The following NUP54 variants were observed in gnomAD, a reference collection of about 807,000 sequenced individuals.
The protein encoded by NUP54 is nucleoporin p54.
NUP54 carries 27 observed loss-of-function variants against 66.4 expected under a neutral mutation model. The observed-to-expected ratio is 0.41, with a 90% CI of 0.30 to 0.56. The LOEUF (loss-of-function observed/expected upper bound fraction) is 0.56, where lower values mean the gene tolerates loss of function less well. Ranked by LOEUF, NUP54 falls within the 20% of genes least tolerant of loss-of-function variation. NUP54 has a pLI of 0.34. For missense variants in NUP54, 486 were observed against 596.3 expected, an observed-to-expected ratio of 0.82 and a Z score of 1.93; for synonymous variants, 206 against 210.7, an observed-to-expected ratio of 0.98 and a Z score of 0.19.
At chr4:76,122,667 C>T (rs1454064107) in intron 9 of NUP54, among the ~76,000 whole-genome samples, 1 of 152,102 alleles carries the variant, frequency 6.6e-6, no homozygotes, top group African/African-American at 2.4e-5. Flanking sequence ...AAAAGTTAAA[C>T]ATAGTGTGCA....
At chr4:76,138,497 T>C (rs1220954782) in intron 3 of NUP54, among the ~76,000 whole-genome samples, 1 of 152,194 alleles carries the variant, frequency 6.6e-6, no homozygotes, top group Non-Finnish European at 1.5e-5. Context: ...ATTTACTGAG[T>C]ACCTACTAAG....
At chr4:76,140,203 A>T (rs1044868126) in intron 3 of NUP54, among the ~76,000 whole-genome samples, 1 of 152,064 alleles carries the variant, frequency 6.6e-6, no homozygotes, top group African/African-American at 2.4e-5. Context: ...AAAAGAGGAA[A>T]AGGTGGATAG....
chr4:76,115,611 G>A (rs1729918895), intron 11 of NUP54, 117 bp from the exon 12 acceptor site: 5 of 637,040 alleles, frequency 7.8e-6, no homozygotes, highest in Non-Finnish European at 1.2e-5. Flanking sequence ...CCTAGTAAGT[G>A]CTCTAAATAT....
Position 76,134,215 on chromosome 4 carries a change from T to C in NUP54, c.670A>G (p.Thr224Ala), listed in dbSNP as rs1318304948. ...HKVLGGNQTL[T>A]VNVEGTKTLP... The stretch of plus-strand genomic sequence containing the variant: ...GTTTTAGTGCCCTCTACATTTACAG[T>C]AAGGGTCTGGTTTCCTCCCAAAACT... The change falls in exon 5 of 12, where the codon ACT becomes GCT. Residue 224 changes from threonine to alanine, a missense_variant. Thr to Ala is a moderately conservative substitution (Grantham distance 58). Transcript: ENST00000264883. The C allele has an allele frequency of 6.2e-7, 1 of 1,613,642 alleles. No homozygotes were observed. The highest frequency in any genetic ancestry group is 2.2e-5 in the East Asian group (1 of 44,814).
chr4:76,126,088 T>C (rs1190524046), intron 8 of NUP54, among the ~76,000 whole-genome samples: 3 of 152,068 alleles, frequency 2.0e-5, no homozygotes, highest in Non-Finnish European at 4.4e-5. Flanking sequence ...CATTTCAACA[T>C]TAACTGTTAC....
intron 8 of NUP54, among the ~76,000 whole-genome samples, chr4:76,128,787 T>C (rs571511331): frequency 8.1e-4 from 124 of 152,324 alleles, no homozygotes; most frequent in African/African-American, 2.7e-3. Flanking sequence ...TGCAGCAACA[T>C]AGATGAACTT....
chr4:76,121,383 C>G (rs1011733047), intron 9 of NUP54, among the ~76,000 whole-genome samples: 1 of 152,164 alleles, frequency 6.6e-6, no homozygotes, highest in Non-Finnish European at 1.5e-5. Context: ...GTCCCCTTCA[C>G]TATTTCTTTT....
chr4:76,116,968 T>C (rs1486570679), intron 11 of NUP54, among the ~76,000 whole-genome samples: 3 of 152,208 alleles, frequency 2.0e-5, no homozygotes, highest in Non-Finnish European at 4.4e-5. Context: ...TTTTTAAGTA[T>C]ACAGTTCAGT....
rs756412676 is a variant in NUP54, at chr4:76,130,759, C to T, written c.963-10G>A. 6.3e-6 allele frequency: 10 copies of T among 1,584,674 alleles called. No homozygotes were observed. The highest frequency in any genetic ancestry group is 4.0e-5 in the African/African-American group (3 of 74,290). On this transcript the variant is annotated splice_polypyrimidine_tract_variant and intron_variant, in intron 7 of 11. Coordinates refer to ENST00000264883, the MANE Select transcript of NUP54 (RefSeq NM_017426.4). The stretch of plus-strand genomic sequence containing the variant: ...TGGTACAGGAATTAACCTGAAGAAA[C>T]GCAGTGAACAATTTTCAGACCTTAA...
intron 5 of NUP54, among the ~76,000 whole-genome samples, chr4:76,133,678 TTC>T (rs1730912923): frequency 6.6e-6 from 1 of 152,196 alleles, no homozygotes; most frequent in African/African-American, 2.4e-5. Context: ...CTATAGGAAA[TTC>T]TGTTGAAATT....
chr4:76,132,442 C>T (rs1169625260), intron 6 of NUP54, 81 bp downstream of exon 6: 2 of 1,062,506 alleles, frequency 1.9e-6, no homozygotes, highest in Non-Finnish European at 2.6e-6. Context: ...CATTAATAAC[C>T]AACCAACACC....
At chr4:76,125,980 G>T (rs1730523037) in intron 8 of NUP54, among the ~76,000 whole-genome samples, 1 of 152,052 alleles carries the variant, frequency 6.6e-6, no homozygotes, top group Non-Finnish European at 1.5e-5. Context: ...CCAACAACCA[G>T]GTCTGAGTGG....
intron 8 of NUP54, among the ~76,000 whole-genome samples, chr4:76,130,422 C>T (rs1354349946): frequency 6.6e-6 from 1 of 152,074 alleles, no homozygotes; most frequent in African/African-American, 2.4e-5. Context: ...AAATGACAGT[C>T]TAATTAATCC....
At chr4:76,132,863 T>C in intron 5 of NUP54, 144 bp from the exon 6 acceptor site, 1 of 454,326 alleles carries the variant, frequency 2.2e-6, no homozygotes, top group Non-Finnish European at 3.7e-6. Context: ...ATGTTTCCTT[T>C]TTTTTTTTTT....
chr4:76,120,374 T>C (rs1578665566), intron 9 of NUP54, among the ~76,000 whole-genome samples: 1 of 151,330 alleles, frequency 6.6e-6, no homozygotes, highest in African/African-American at 2.4e-5. Context: ...CAAGAACAGG[T>C]GGTGGTGGTT....
At chr4:76,148,167 C>G in intron 1 of NUP54, 141 bp downstream of exon 1, 1 of 666,970 alleles carries the variant, frequency 1.5e-6, no homozygotes. Flanking sequence ...CACTCTGCCG[C>G]CGCCCGCCCT....
chr4:76,119,577 G>T (rs371981300), intron 9 of NUP54, among the ~76,000 whole-genome samples: 5 of 149,018 alleles, frequency 3.4e-5, no homozygotes, highest in Admixed American at 6.7e-5. Context: ...GAGGTCTCCC[G>T]ATGTTGCCCA....
intron 3 of NUP54, among the ~76,000 whole-genome samples, chr4:76,139,080 C>T (rs982117700): frequency 6.6e-6 from 1 of 152,184 alleles, no homozygotes; most frequent in Non-Finnish European, 1.5e-5. Flanking sequence ...ACAAACTGTA[C>T]ATCAGGGTGA....
At chr4:76,146,783 C>G (rs1356459586) in intron 1 of NUP54, among the ~76,000 whole-genome samples, 1 of 152,116 alleles carries the variant, frequency 6.6e-6, no homozygotes, top group Non-Finnish European at 1.5e-5. Flanking sequence ...GCAAACAACC[C>G]ACGTGCATAT....
Sources: gnomAD v4.1 joint callset for allele counts (sites outside exome capture counted in the v4.1 genomes callset) on GRCh38, gnomAD v4.1.1 for gene constraint, MANE v1.5 for transcripts, NCBI Gene and HGNC (gene_info 2026-07-23, HGNC 2026-07-21) for gene names.